MFRP: variants seen among roughly 807,000 people sequenced by gnomAD.
The protein encoded by MFRP is membrane frizzled-related protein.
MFRP carries 74 observed loss-of-function variants against 65.8 expected under a neutral mutation model. That is an observed-to-expected ratio of 1.12 (90% CI 0.93 to 1.36). MFRP has a LOEUF of 1.36. Ranked by LOEUF, MFRP falls within the 40% of genes most tolerant of loss-of-function variation. The pLI, the probability that MFRP is intolerant of heterozygous loss-of-function variation, is 0.00. For synonymous variants in MFRP, 336 were observed against 288.3 expected, an observed-to-expected ratio of 1.17 and a Z score of -1.68; for missense variants, 838 against 736.0, an observed-to-expected ratio of 1.14 and a Z score of -1.60.
At position 119,339,285 on chromosome 11, in the gene MFRP, A is replaced by G; in HGVS notation, c.*1674T>C. 6.3e-7 allele frequency: 1 copy of G among 1,587,954 alleles called. No individual in the cohort carries two copies. The highest frequency in any genetic ancestry group is 1.1e-5 in the South Asian group (1 of 87,894). On this transcript the variant is annotated 3_prime_UTR_variant, in exon 15 of 15. Coordinates refer to ENST00000619721, the MANE Select transcript of MFRP (RefSeq NM_031433.4). The surrounding 1 kb of genome is among the most constrained non-coding windows in gnomAD (Gnocchi z 5.4). ...TGGATGACCTGGTTGTCAGCCTCAC[A>G]CCCTCCTTCTAGGAGTGAGAGCATG...
Position 119,343,008 on chromosome 11 carries a change from C to A in MFRP, c.1125-5G>T. The A allele has an allele frequency of 6.3e-7, 1 of 1,598,852 alleles. No homozygotes were observed. The highest frequency in any genetic ancestry group is 2.3e-5 in the East Asian group (1 of 44,306). Reference sequence around the variant, plus strand: ...GGTGGCTCTGCTCCACAGAACCTGCCCAAAGCAGACAGCTGTTCTGGGCAC... The same window carrying A: ...GGTGGCTCTGCTCCACAGAACCTGCACAAAGCAGACAGCTGTTCTGGGCAC... On this transcript the variant is annotated splice_polypyrimidine_tract_variant and splice_region_variant and intron_variant, in intron 9 of 14. Coordinates refer to ENST00000619721, the MANE Select transcript of MFRP (RefSeq NM_031433.4).
rs200647939 is a variant in MFRP, at chr11:119,344,668, C to T, written c.862G>A (p.Gly288Ser). ...VCDGFANCAD[G>S]SDETNCSAKF... ...GCACTGCAATTGGTCTCATCACTGC[C>T]GTCAGCACAGTTGGCAAAACCATCA... The change falls in exon 7 of 15, where the codon GGC (glycine) becomes AGC (serine). Residue 288 changes from glycine to serine, a missense_variant. By Grantham distance (56) the Gly-to-Ser change is moderately conservative. Coordinates refer to ENST00000619721, the MANE Select transcript of MFRP (RefSeq NM_031433.4). The T allele has an allele frequency of 8.8e-5, 142 of 1,614,054 alleles. No homozygotes were observed. The East Asian group carries it at 2.1e-3, about 24-fold the overall frequency.
In MFRP at chr11:119,344,980, G is replaced by A. The variant is rs765386106; in HGVS notation, c.666C>T (p.Pro222=). ...LLRVCGRVPP[P]TLNTNASHLL... ...GGTGGCTGGCATTGGTGTTGAGCGTGGGGGGAGGCACCCTTCCACAAACCC... is the reference window on the plus strand; with the variant it reads ...GGTGGCTGGCATTGGTGTTGAGCGTAGGGGGAGGCACCCTTCCACAAACCC... The change falls in exon 6 of 15, where the codon CCC becomes CCT. Residue 222 remains proline, a synonymous_variant. Transcript: ENST00000619721. 10 of 1,606,960 alleles carry A rather than the reference G, an allele frequency of 6.2e-6. No individual in the cohort carries two copies. The South Asian group carries it at 8.9e-5, about 14-fold the overall frequency.
At chr11:119,344,572 G>A in intron 7 of MFRP, 60 bp downstream of exon 7, 2 of 1,611,380 alleles carry the variant, frequency 1.2e-6, no homozygotes, top group South Asian at 1.1e-5. Context: ...CAGAGCTGGG[G>A]AGCCCAGCTT....
At position 119,339,935 on chromosome 11, in the gene MFRP, C is replaced by G; in HGVS notation, c.*1111-87G>C. 1 of 1,398,974 alleles carries G rather than the reference C, an allele frequency of 7.1e-7. No homozygotes were observed. The highest frequency in any genetic ancestry group is 9.3e-7 in the Non-Finnish European group (1 of 1,077,472). The allele number at this position is 1,398,974 out of a possible 1,614,324, so 86.7% of individuals were successfully genotyped here. On this transcript the variant is annotated intron_variant, in intron 14 of 14. Transcript: ENST00000619721. This position sits in a 1 kb window ranked among gnomAD's most constrained non-coding sequence, Gnocchi z 5.4. The stretch of plus-strand genomic sequence containing the variant: ...GACTCTAAGGTCACCGTACCCCTCC[C>G]CGCCCCTGCCTGAGCTTCGGCCAGC...
At chr11:119,342,757 G>A (rs775243867) in intron 10 of MFRP, 30 bp from the exon 11 acceptor site, 41 of 1,613,220 alleles carry the variant, frequency 2.5e-5, no homozygotes, top group East Asian at 1.3e-4. Context: ...GGCAGTGCCC[G>A]GGGACATACC....
chr11:119,345,309 T>C, intron 5 of MFRP, 111 bp downstream of exon 5: 1 of 1,129,730 alleles, frequency 8.9e-7, no homozygotes, highest in South Asian at 1.4e-5. Flanking sequence ...CCCAGAGGTC[T>C]AGTCTCTCAA....
rs780377456 is a variant in MFRP at position 119,345,909 on chromosome 11, T to C, written c.291A>G (p.Pro97=). 2 of 1,613,520 alleles carry C rather than the reference T, an allele frequency of 1.2e-6. No homozygotes were observed. The highest frequency in any genetic ancestry group is 1.1e-5 in the South Asian group (1 of 91,058). Residue 97 remains proline, a synonymous_variant, in exon 4 of 15, where the codon CCA becomes CCG. Coordinates refer to ENST00000619721, the MANE Select transcript of MFRP (RefSeq NM_031433.4). The stretch of plus-strand genomic sequence containing the variant: ...GCAGTGGGCTATGGGACGCCCCAGA[T>C]GGGGGTGCAGCCTGCAGCTCTGGAG... ...IILAQLQAAP[P]SGASHSPLPA...
Position 119,339,787 on chromosome 11 carries a change from G to A in MFRP, c.*1172C>T, listed in dbSNP as rs559296874. On this transcript the variant is annotated 3_prime_UTR_variant, in exon 15 of 15. Transcript: ENST00000619721. The surrounding 1 kb of genome is among the most constrained non-coding windows in gnomAD (Gnocchi z 5.4). ...GCACCGAGCACTCCCCGGCAGGCCC[G>A]GTGGGCCCCGCGGGTCCCGCCTCTC... 11 of 1,515,154 alleles carry A rather than the reference G, an allele frequency of 7.3e-6. No homozygotes were observed. In the Admixed American group the frequency reaches 1.0e-4, roughly 14 times the overall value. 93.9% of individuals were successfully genotyped at this position (1,515,154 alleles called of 1,614,324 possible).
At position 119,345,872 on chromosome 11, in the gene MFRP, G is replaced by C. The variant is rs1950559866; in HGVS notation, c.328C>G (p.Leu110Val). ...ASHSPLPAGGLTTTTTTPTIT... is the reference protein window; with the variant it reads ...ASHSPLPAGGVTTTTTTPTIT... The stretch of plus-strand genomic sequence containing the variant: ...GTGGGGGTGGTGGTGGTCGTGGTAA[G>C]GCCTCCGGCAGGCAGTGGGCTATGG... Residue 110 changes from leucine (L) to valine (V), a missense_variant, in exon 4 of 15, where the codon CTT becomes GTT. Transcript: ENST00000619721. 2.5e-6 allele frequency: 4 copies of C among 1,613,614 alleles called. No individual in the cohort carries two copies. Among genetic ancestry groups the C allele is most frequent in the Admixed American group, 1.7e-5 (1 of 59,998 alleles).
At chr11:119,343,745 G>T in intron 9 of MFRP, 71 bp downstream of exon 9, 1 of 1,585,314 alleles carries the variant, frequency 6.3e-7, no homozygotes. Context: ...AATGTGCTGG[G>T]CCGACATGGA....
Position 119,346,597 on chromosome 11 carries a change from G to A in MFRP, c.-84C>T. On this transcript the variant is annotated 5_prime_UTR_variant, in exon 1 of 15. Coordinates refer to ENST00000619721, the MANE Select transcript of MFRP (RefSeq NM_031433.4). Reference sequence around the variant, plus strand: ...CCCACTCGCTGACCACAAACTCCCTGTCAGAGGGGCAGCCTCTACTACCCG... The same window carrying A: ...CCCACTCGCTGACCACAAACTCCCTATCAGAGGGGCAGCCTCTACTACCCG... 2.1e-6 allele frequency: 3 copies of A among 1,405,946 alleles called. No individual in the cohort carries two copies. Among genetic ancestry groups the A allele is most frequent in the Non-Finnish European group, 3.0e-6 (3 of 993,666 alleles). 87.1% of individuals were successfully genotyped at this position (1,405,946 alleles called of 1,614,324 possible). A position where few individuals can be genotyped will look rare whatever the true frequency, so the allele number is the denominator to read the frequency against.
rs904327198 is a variant in MFRP at position 119,346,608 on chromosome 11, A to G, written c.-95T>C. The G allele has an allele frequency of 4.0e-6, 5 of 1,258,580 alleles. No individual in the cohort carries two copies. The African/African-American group carries it at 7.3e-5, about 18-fold the overall frequency. The allele number at this position is 1,258,580 out of a possible 1,614,324, so 78.0% of individuals were successfully genotyped here. A position where few individuals can be genotyped will look rare whatever the true frequency, so the allele number is the denominator to read the frequency against. On this transcript the variant is annotated 5_prime_UTR_variant, in exon 1 of 15. Transcript: ENST00000619721. ...ACCACAAACTCCCTGTCAGAGGGGC[A>G]GCCTCTACTACCCGAGGGAAAAGGC...
In MFRP at chr11:119,345,647, G is replaced by T. The variant is rs201244815; in HGVS notation, c.428-14C>A. 1.2e-6 allele frequency: 2 copies of T among 1,613,394 alleles called. No homozygotes were observed. Among genetic ancestry groups the T allele is most frequent in the East Asian group, 2.2e-5 (1 of 44,886 alleles). The stretch of plus-strand genomic sequence containing the variant: ...GGCCTCCACAGGCTGCAGAGATGGA[G>T]GTTAGAGTTCAGAGGTCAAAAGGAG... On this transcript the variant is annotated splice_polypyrimidine_tract_variant and intron_variant, in intron 4 of 14. Transcript: ENST00000619721.
At chr11:119,343,748 G>C in intron 9 of MFRP, 68 bp downstream of exon 9, 2 of 1,593,272 alleles carry the variant, frequency 1.3e-6, no homozygotes, top group Non-Finnish European at 1.7e-6. Flanking sequence ...GTGCTGGGCC[G>C]ACATGGAAGC....
intron 6 of MFRP, 43 bp from the exon 7 acceptor site, chr11:119,344,800 C>T: frequency 6.2e-7 from 1 of 1,613,708 alleles, no homozygotes; most frequent in Non-Finnish European, 8.5e-7. Context: ...GGAGTCTCCA[C>T]CCCTTTGACA....
At chr11:119,344,058 G>A in intron 8 of MFRP, 94 bp from the exon 9 acceptor site, 1 of 1,522,616 alleles carries the variant, frequency 6.6e-7, no homozygotes. Context: ...GCTGGCTGGG[G>A]GGATGGGGTG....
At position 119,341,928 on chromosome 11, in the gene MFRP, T is replaced by C; in HGVS notation, c.1444A>G (p.Thr482Ala). ...CCCACCCAGATGTTAGGGAAGGCTG[T>C]GGTGTTGTAGCTCAGACCGAGGCAC... Reference protein sequence around the residue: ...EMCLGLSYNTTAFPNIWVGMI... With the variant: ...EMCLGLSYNTAAFPNIWVGMI... The change falls in exon 12 of 15, where the codon ACA (threonine) becomes GCA (alanine). Residue 482 changes from threonine (T) to alanine (A), a missense_variant. Thr to Ala is a moderately conservative substitution (Grantham distance 58). Coordinates refer to ENST00000619721, the MANE Select transcript of MFRP (RefSeq NM_031433.4). 1 of 1,613,716 alleles carries C rather than the reference T, an allele frequency of 6.2e-7. No homozygotes were observed. Among genetic ancestry groups the C allele is most frequent in the Non-Finnish European group, 8.5e-7 (1 of 1,179,918 alleles).
At position 119,339,095 on chromosome 11, in the gene MFRP, G is replaced by A. The variant is rs1356420825; in HGVS notation, c.*1864C>T. 16 of 556,266 alleles carry A rather than the reference G, an allele frequency of 2.9e-5. No homozygotes were observed. Among genetic ancestry groups the A allele is most frequent in the Non-Finnish European group, 3.2e-6 (1 of 315,538 alleles). 34.5% of individuals were successfully genotyped at this position (556,266 alleles called of 1,614,324 possible). A position where few individuals can be genotyped will look rare whatever the true frequency, so the allele number is the denominator to read the frequency against. On this transcript the variant is annotated 3_prime_UTR_variant, in exon 15 of 15. Transcript: ENST00000619721. This position sits in a 1 kb window ranked among gnomAD's most constrained non-coding sequence, Gnocchi z 5.4. Reference sequence around the variant, plus strand: ...GCAACTGGGGGACTTACACTTGCCAGCACAGCACACTCCTCTGGTCTTGGG... The same window carrying A: ...GCAACTGGGGGACTTACACTTGCCAACACAGCACACTCCTCTGGTCTTGGG...
Sources: gnomAD v4.1 joint callset for allele counts on GRCh38, gnomAD v4.1.1 for gene constraint, Gnocchi (gnomAD v3.1) non-coding constraint, MANE v1.5 for transcripts, NCBI Gene and HGNC (gene_info 2026-07-23, HGNC 2026-07-21) for gene names.